The following STARD13 variants were observed in gnomAD, a reference collection of about 807,000 sequenced individuals.
STARD13 encodes the protein stAR-related lipid transfer protein 13.
In STARD13, 62 loss-of-function variants were observed where a neutral mutation model predicts 106.4. That is an observed-to-expected ratio of 0.58 (90% confidence interval 0.48 to 0.72). STARD13 has a LOEUF of 0.72. Among genes scored for constraint, STARD13 ranks in the 30% least tolerant of loss-of-function variants. The probability of loss-of-function intolerance (pLI) is 0.00; values close to 1 mark genes in which losing one functional copy is unlikely to be tolerated. For missense variants in STARD13, 1,387 were observed against 1,424.0 expected (o/e 0.97, Z 0.42); for synonymous variants, 565 against 553.0 (o/e 1.02, Z -0.31).
At chr13:33,137,300 A>G (rs1012306065) in intron 4 of STARD13, among the ~76,000 whole-genome samples, 3 of 152,214 alleles carry the variant, frequency 2.0e-5, no homozygotes, top group African/African-American at 7.2e-5. Context: ...GTATAGGGCC[A>G]TATCATAAAA....
intron 1 of STARD13, among the ~76,000 whole-genome samples, chr13:33,204,452 G>A (rs977873012): frequency 2.6e-5 from 4 of 152,060 alleles, no homozygotes; most frequent in Non-Finnish European, 2.9e-5. Flanking sequence ...AAGACAGTAC[G>A]ACAAAATCTT....
At chr13:33,548,658 G>T in the STARD13 span, among the ~76,000 whole-genome samples, 1 of 152,108 alleles carries the variant, frequency 6.6e-6, no homozygotes, top group Non-Finnish European at 1.5e-5. Context: ...TGCTTAAGAA[G>T]ATTATACCAC....
the STARD13 span, among the ~76,000 whole-genome samples, chr13:33,599,377 A>G: frequency 1.3e-5 from 2 of 152,170 alleles, no homozygotes; most frequent in African/African-American, 4.8e-5. Flanking sequence ...TCTCAGTAAC[A>G]CCATAACAAC....
At chr13:33,279,228 T>C (rs142557498) in intron 1 of STARD13, among the ~76,000 whole-genome samples, 1 of 152,322 alleles carries the variant, frequency 6.6e-6, no homozygotes, top group East Asian at 1.9e-4. Context: ...TTATCATTTG[T>C]TCTCTTTTTA....
At chr13:33,590,921 A>C in the STARD13 span, among the ~76,000 whole-genome samples, 1 of 152,226 alleles carries the variant, frequency 6.6e-6, no homozygotes, top group Non-Finnish European at 1.5e-5. Flanking sequence ...GAGAATTTAA[A>C]CTTATTATTT....
At chr13:33,259,256 C>T (rs967813190) in intron 1 of STARD13, among the ~76,000 whole-genome samples, 3 of 152,192 alleles carry the variant, frequency 2.0e-5, no homozygotes, top group African/African-American at 7.2e-5. Flanking sequence ...TTTTGAGAAA[C>T]AAACTTGTGA....
At chr13:33,551,878 A>C in the STARD13 span, among the ~76,000 whole-genome samples, 2 of 152,020 alleles carry the variant, frequency 1.3e-5, no homozygotes, top group African/African-American at 4.8e-5. Flanking sequence ...GATTATAGGC[A>C]TGAGCCACCA....
chr13:33,312,005 G>T (rs1429134390), intron 1 of STARD13, among the ~76,000 whole-genome samples: 1 of 152,192 alleles, frequency 6.6e-6, no homozygotes, highest in African/African-American at 2.4e-5. Flanking sequence ...AATGCTACAG[G>T]ATTTGTCACC....
At chr13:33,584,575 T>G in the STARD13 span, among the ~76,000 whole-genome samples, 1 of 152,120 alleles carries the variant, frequency 6.6e-6, no homozygotes, top group Non-Finnish European at 1.5e-5. Flanking sequence ...TAAAGTGATA[T>G]CTCATTGTGG....
At chr13:33,134,572 A>G (rs1878804916) in intron 4 of STARD13, among the ~76,000 whole-genome samples, 1 of 152,234 alleles carries the variant, frequency 6.6e-6, no homozygotes, top group African/African-American at 2.4e-5. Context: ...CTATTTGCTA[A>G]GGGTTCTTTG....
intron 1 of STARD13, among the ~76,000 whole-genome samples, chr13:33,262,662 A>ACACAC (rs5802678): frequency 8.7e-6 from 1 of 114,900 alleles, no homozygotes; most frequent in African/African-American, 3.3e-5. Flanking sequence ...ACACACACAC[A>ACACAC]ACACACACAC....
At chr13:33,352,429 T>A (rs1020566892), upstream of STARD13, among the ~76,000 whole-genome samples, 10 of 152,202 alleles carry the variant, frequency 6.6e-5, no homozygotes, top group Non-Finnish European at 1.3e-4. Context: ...GAACAGAACA[T>A]AACCATTCAA....
At chr13:33,336,509 T>C (rs1249847249) in intron 1 of STARD13, 1 of 152,136 alleles carries the variant, frequency 6.6e-6, no homozygotes, top group Non-Finnish European at 1.5e-5. Flanking sequence ...ATCTCAACAT[T>C]TGGGGAAGCC....
intron 11 of STARD13, 89 bp from the exon 12 acceptor site, chr13:33,110,179 C>G: frequency 8.7e-7 from 1 of 1,154,906 alleles, no homozygotes; most frequent in South Asian, 1.4e-5. Flanking sequence ...TGCTATCATA[C>G]CTTGCTGGGT....
At chr13:33,580,160 A>G in the STARD13 span, among the ~76,000 whole-genome samples, 1 of 152,154 alleles carries the variant, frequency 6.6e-6, no homozygotes, top group East Asian at 1.9e-4. Flanking sequence ...GGAAGCAACT[A>G]AGATGTCCTT....
At chr13:33,195,993 A>G (rs1188957355) in intron 1 of STARD13, among the ~76,000 whole-genome samples, 1 of 152,232 alleles carries the variant, frequency 6.6e-6, no homozygotes, top group Non-Finnish European at 1.5e-5. Flanking sequence ...AGACACTTAG[A>G]GGCCACAAGA....
At chr13:33,282,552 T>C (rs1178568967) in intron 1 of STARD13, among the ~76,000 whole-genome samples, 1 of 152,168 alleles carries the variant, frequency 6.6e-6, no homozygotes, top group Non-Finnish European at 1.5e-5. Flanking sequence ...CCAACAACCA[T>C]GAGAAATTAT....
chr13:33,290,452 G>C (rs987354403), upstream of STARD13, among the ~76,000 whole-genome samples: 6 of 152,198 alleles, frequency 3.9e-5, no homozygotes, highest in Non-Finnish European at 8.8e-5. Context: ...TTCCCAATCT[G>C]CATGCACCCC....
At chr13:33,572,496 G>T in the STARD13 span, among the ~76,000 whole-genome samples, 1 of 152,160 alleles carries the variant, frequency 6.6e-6, no homozygotes, top group Non-Finnish European at 1.5e-5. Flanking sequence ...GCCTACTCTG[G>T]CTTGAAGGCT....
Sources: gnomAD v4.1 joint callset for allele counts (sites outside exome capture counted in the v4.1 genomes callset) on GRCh38, gnomAD v4.1.1 for gene constraint, MANE v1.5 for transcripts, NCBI Gene and HGNC (gene_info 2026-07-23, HGNC 2026-07-21) for gene names.